SNX29: variants seen among roughly 807,000 people sequenced by gnomAD.
SNX29 encodes the protein sorting nexin-29.
A neutral mutation model predicts 102.1 loss-of-function variants in SNX29; 78 were observed. That is an observed-to-expected ratio of 0.76 (90% CI 0.64 to 0.92). The LOEUF is 0.92. Among genes scored for constraint, SNX29 ranks in the 40% least tolerant of loss-of-function variants. The pLI, the probability that SNX29 is intolerant of heterozygous loss-of-function variation, is 0.00. For synonymous variants in SNX29, 580 were observed against 414.5 expected, an observed-to-expected ratio of 1.40 and a Z score of -4.85; for missense variants, 1,280 against 1,061.7, an observed-to-expected ratio of 1.21 and a Z score of -2.86.
intron 13 of SNX29, among the ~76,000 whole-genome samples, chr16:12,195,147 C>T (rs1328533004): frequency 6.6e-6 from 1 of 152,142 alleles, no homozygotes; most frequent in African/African-American, 2.4e-5. Flanking sequence ...AATGGTATAT[C>T]AGTGTGAGTA....
intron 4 of SNX29, among the ~76,000 whole-genome samples, chr16:12,033,058 T>C (rs962365974): frequency 6.6e-6 from 1 of 152,034 alleles, no homozygotes; most frequent in African/African-American, 2.4e-5. Context: ...TTTCACCACG[T>C]TGGCCAGGCT....
intron 10 of SNX29, among the ~76,000 whole-genome samples, chr16:12,077,098 C>T (rs2051611951): frequency 6.6e-6 from 1 of 152,064 alleles, no homozygotes; most frequent in Admixed American, 6.6e-5. Context: ...GCAAGTGAGA[C>T]CCTGTCTTTA....
chr16:12,232,089 T>G (rs957400897), intron 14 of SNX29, among the ~76,000 whole-genome samples: 1 of 152,084 alleles, frequency 6.6e-6, no homozygotes, highest in Non-Finnish European at 1.5e-5. Context: ...CCAGTTTAGG[T>G]TTTTAGCAGT....
At chr16:12,488,855 C>G (rs1057001663) in intron 19 of SNX29, among the ~76,000 whole-genome samples, 3 of 152,198 alleles carry the variant, frequency 2.0e-5, no homozygotes, top group Non-Finnish European at 4.4e-5. Flanking sequence ...AATTGGCCAG[C>G]TTGCCCCACT....
intron 13 of SNX29, among the ~76,000 whole-genome samples, chr16:12,154,507 A>C (rs1013423831): frequency 6.6e-6 from 1 of 152,036 alleles, no homozygotes; most frequent in Non-Finnish European, 1.5e-5. Flanking sequence ...TGTCGCCCCT[A>C]TTAGACTCAG....
intron 18 of SNX29, among the ~76,000 whole-genome samples, chr16:12,450,697 TTGTC>T (rs1356589305): frequency 6.6e-6 from 1 of 152,164 alleles, no homozygotes; most frequent in Non-Finnish European, 1.5e-5. Flanking sequence ...CAGATGGGCT[TTGTC>T]TGCTTGCTGA....
rs185618534 is a variant in SNX29, at chr16:12,571,757, C to G, written c.*3128C>G. 175 of 1,015,354 alleles carry G rather than the reference C, an allele frequency of 1.7e-4. 2 individuals are homozygous for G. The highest frequency in any genetic ancestry group is 1.3e-3 in the African/African-American group (78 of 59,882). 62.9% of individuals were successfully genotyped at this position (1,015,354 alleles called of 1,614,324 possible). On this transcript the variant is annotated 3_prime_UTR_variant, in exon 21 of 21. Transcript: ENST00000566228. Reference sequence around the variant, plus strand: ...AGAAACCTAGCCCAACCATCCACTCCTGATCTGAGACAGAACCTTCTCCGC... The same window carrying G: ...AGAAACCTAGCCCAACCATCCACTCGTGATCTGAGACAGAACCTTCTCCGC...
At chr16:12,357,622 CA>C (rs2082174917) in intron 16 of SNX29, among the ~76,000 whole-genome samples, 1 of 152,166 alleles carries the variant, frequency 6.6e-6, no homozygotes, top group South Asian at 2.1e-4. Flanking sequence ...ATTTTGAGGC[CA>C]TCGCCACCAC....
chr16:12,565,495 G>A (rs896499979), intron 20 of SNX29, among the ~76,000 whole-genome samples: 37 of 152,132 alleles, frequency 2.4e-4, no homozygotes, highest in African/African-American at 8.2e-4. Context: ...CTGCCTCCAA[G>A]CCTGTGTCCC....
intron 18 of SNX29, among the ~76,000 whole-genome samples, chr16:12,421,082 A>G (rs1450870116): frequency 1.3e-5 from 2 of 152,216 alleles, no homozygotes; most frequent in African/African-American, 2.4e-5. Context: ...TAAGGAAACT[A>G]CGGCACAGGA....
intron 3 of SNX29, among the ~76,000 whole-genome samples, chr16:12,011,589 A>C (rs1361099352): frequency 6.6e-6 from 1 of 151,986 alleles, no homozygotes; most frequent in African/African-American, 2.4e-5. Context: ...ACCTATTTTT[A>C]TATCTAAATT....
intron 14 of SNX29, among the ~76,000 whole-genome samples, chr16:12,207,338 C>T (rs144034089): frequency 1.0e-3 from 158 of 152,186 alleles, no homozygotes; most frequent in African/African-American, 3.3e-3. Context: ...CACTTCACTC[C>T]GGCCTAGGTG....
chr16:12,077,713 T>G (rs1596792391), intron 10 of SNX29, among the ~76,000 whole-genome samples: 1 of 152,114 alleles, frequency 6.6e-6, no homozygotes, highest in South Asian at 2.1e-4. Context: ...CTCTGTTTCC[T>G]GGGTTGAAGT....
chr16:12,269,516 A>C (rs2079028990), intron 14 of SNX29, among the ~76,000 whole-genome samples: 2 of 152,208 alleles, frequency 1.3e-5, no homozygotes, highest in Admixed American at 1.3e-4. Context: ...CTTAAAGCAC[A>C]ATGTAAGTTT....
intron 16 of SNX29, among the ~76,000 whole-genome samples, chr16:12,383,262 G>C (rs974177120): frequency 1.3e-5 from 2 of 152,084 alleles, no homozygotes; most frequent in African/African-American, 4.8e-5. Flanking sequence ...TTTACATACA[G>C]GGATTATTGT....
In SNX29 at chr16:12,408,800, A is replaced by AC. The variant is rs902834432; in HGVS notation, c.2037+5272dup. On this transcript the variant is annotated intron_variant, in intron 18 of 20. Coordinates refer to ENST00000566228, the MANE Select transcript of SNX29 (RefSeq NM_032167.5). ...GCGCCATTGCACTCCAGCCTGGGGG[A>AC]CAGGAACAAAACTTCTAAAGGAAAT... is the stretch of plus-strand genomic sequence containing the variant. 1.9e-4 allele frequency among the ~76,000 whole-genome samples: 29 copies of AC among 152,182 alleles called. 1 individual carries two copies. The highest frequency in any genetic ancestry group is 6.5e-4 in the African/African-American group (27 of 41,436).
chr16:12,118,192 T>G (rs1161214563), intron 11 of SNX29, among the ~76,000 whole-genome samples: 1 of 152,144 alleles, frequency 6.6e-6, no homozygotes, highest in Non-Finnish European at 1.5e-5. Context: ...TTCCATTGCT[T>G]CTACTGCTGG....
intron 16 of SNX29, among the ~76,000 whole-genome samples, chr16:12,357,806 C>G (rs776859380): frequency 2.0e-5 from 3 of 152,194 alleles, no homozygotes; most frequent in African/African-American, 7.2e-5. Flanking sequence ...CTCTCTCTCT[C>G]CCCTTCTCTC....
chr16:12,299,606 C>T (rs904784681), intron 15 of SNX29, among the ~76,000 whole-genome samples: 2 of 152,080 alleles, frequency 1.3e-5, no homozygotes, highest in Non-Finnish European at 2.9e-5. Flanking sequence ...GTGGGGAGTG[C>T]TCGTTGCTAC....
Sources: gnomAD v4.1 joint callset for allele counts (sites outside exome capture counted in the v4.1 genomes callset) on GRCh38, gnomAD v4.1.1 for gene constraint, MANE v1.5 for transcripts, NCBI Gene and HGNC (gene_info 2026-07-23, HGNC 2026-07-21) for gene names.